AGBL1: variants seen among roughly 807,000 people sequenced by gnomAD.
AGBL1 encodes the protein cytosolic carboxypeptidase 4.
A neutral mutation model predicts 118.9 loss-of-function variants in AGBL1; 130 were observed. The ratio of observed to expected loss-of-function variants is 1.09; its 90% CI spans 0.95 to 1.26. The LOEUF (loss-of-function observed/expected upper bound fraction) is 1.26. AGBL1 is among the 50% of genes most tolerant of loss of function. The pLI, the probability that AGBL1 is intolerant of heterozygous loss-of-function variation, is 0.00. For synonymous variants in AGBL1, 555 were observed against 478.9 expected, an observed-to-expected ratio of 1.16 and a Z score of -2.08; for missense variants, 1,584 against 1,298.1, an observed-to-expected ratio of 1.22 and a Z score of -3.38.
intron 13 of AGBL1, 105 bp from the exon 14 acceptor site, chr15:86,269,814 G>T (rs2079129277): frequency 7.6e-7 from 1 of 1,312,964 alleles, no homozygotes; most frequent in Non-Finnish European, 1.0e-6. Context: ...GAGATCCTGG[G>T]TCTTAGATCT....
chr15:86,185,267 A>G (rs1223766665), intron 5 of AGBL1, among the ~76,000 whole-genome samples: 1 of 152,176 alleles, frequency 6.6e-6, no homozygotes, highest in African/African-American at 2.4e-5. Context: ...CAGGTGCTGG[A>G]GAGGATGTGG....
intron 21 of AGBL1, among the ~76,000 whole-genome samples, chr15:86,634,000 A>G (rs927766672): frequency 7.2e-5 from 11 of 151,874 alleles, no homozygotes; most frequent in Admixed American, 7.2e-4. Flanking sequence ...ATGCAAATCA[A>G]TATCAGTAGG....
At chr15:86,644,710 A>G (rs545353168) in intron 21 of AGBL1, among the ~76,000 whole-genome samples, 17 of 152,206 alleles carry the variant, frequency 1.1e-4, no homozygotes, top group Admixed American at 5.2e-4. Context: ...GCTTGTCTAC[A>G]TTAAAGGAGA....
intron 16 of AGBL1, among the ~76,000 whole-genome samples, chr15:86,289,701 A>G (rs998514095): frequency 2.0e-5 from 3 of 151,964 alleles, no homozygotes; most frequent in African/African-American, 7.3e-5. Flanking sequence ...CTCCTTTTCC[A>G]TTACATCCCA....
At chr15:86,298,739 A>C (rs1383988253) in intron 17 of AGBL1, among the ~76,000 whole-genome samples, 2 of 152,046 alleles carry the variant, frequency 1.3e-5, no homozygotes, top group Non-Finnish European at 2.9e-5. Context: ...CCTCATAAGG[A>C]GGCATGAGTG....
intron 17 of AGBL1, chr15:86,296,572 T>C (rs377590766): frequency 5.5e-4 from 84 of 152,374 alleles, no homozygotes; most frequent in African/African-American, 2.0e-3. Context: ...CAGGTGACTC[T>C]TTGGTAGATC....
chr15:86,462,819 C>T (rs1286902385), intron 18 of AGBL1, among the ~76,000 whole-genome samples: 1 of 152,150 alleles, frequency 6.6e-6, no homozygotes, highest in Non-Finnish European at 1.5e-5. Context: ...CACATTTTCA[C>T]ATTTTCTTTA....
chr15:86,934,481 C>T (rs756050513), intron 23 of AGBL1, among the ~76,000 whole-genome samples: 32 of 151,906 alleles, frequency 2.1e-4, no homozygotes, highest in Non-Finnish European at 4.3e-4. Context: ...TCTGTGCTTA[C>T]AGACTTCCTC....
At chr15:86,348,352 A>G (rs1338595024) in intron 17 of AGBL1, among the ~76,000 whole-genome samples, 1 of 152,244 alleles carries the variant, frequency 6.6e-6, no homozygotes, top group Non-Finnish European at 1.5e-5. Flanking sequence ...CACCTTAGTG[A>G]ATATGCAGCT....
intron 5 of AGBL1, among the ~76,000 whole-genome samples, chr15:86,206,379 G>A (rs1298620225): frequency 1.3e-5 from 2 of 152,168 alleles, no homozygotes; most frequent in Non-Finnish European, 2.9e-5. Context: ...GATCCTTGAG[G>A]AATTGCCATA....
At chr15:86,828,850 C>T (rs938048383) in intron 22 of AGBL1, among the ~76,000 whole-genome samples, 1 of 150,220 alleles carries the variant, frequency 6.7e-6, no homozygotes, top group Non-Finnish European at 1.5e-5. Context: ...TGCACCAAGG[C>T]TGTGATAAAG....
intron 21 of AGBL1, among the ~76,000 whole-genome samples, chr15:86,661,623 A>C (rs73443570): frequency 6.6e-6 from 1 of 152,108 alleles, no homozygotes; most frequent in South Asian, 2.1e-4. Context: ...TTTACATGCA[A>C]TAAGAGGAGA....
At chr15:86,677,719 T>C (rs1302921256) in intron 22 of AGBL1, among the ~76,000 whole-genome samples, 1 of 152,188 alleles carries the variant, frequency 6.6e-6, no homozygotes, top group African/African-American at 2.4e-5. Flanking sequence ...CCTGTTGCTT[T>C]AGCCTGGGCT....
At chr15:86,477,038 A>G (rs1282870599) in intron 18 of AGBL1, among the ~76,000 whole-genome samples, 2 of 152,214 alleles carry the variant, frequency 1.3e-5, no homozygotes, top group South Asian at 2.1e-4. Context: ...ACCAATGAGA[A>G]CAAACACACA....
At chr15:86,502,840 T>C (rs1250938852) in intron 18 of AGBL1, among the ~76,000 whole-genome samples, 2 of 151,508 alleles carry the variant, frequency 1.3e-5, no homozygotes, top group Non-Finnish European at 3.0e-5. Flanking sequence ...TTCTTGAGCA[T>C]TTTGGGCTTA....
intron 17 of AGBL1, among the ~76,000 whole-genome samples, chr15:86,394,764 A>G (rs1224679794): frequency 6.6e-6 from 1 of 152,176 alleles, no homozygotes. Context: ...AGGGCGAAGG[A>G]CAAGACACAA....
intron 19 of AGBL1, among the ~76,000 whole-genome samples, chr15:86,540,079 G>A (rs1443164120): frequency 2.6e-5 from 4 of 152,154 alleles, no homozygotes; most frequent in Non-Finnish European, 4.4e-5. Flanking sequence ...GGAATTTAGT[G>A]TTCTCGGCCA....
At chr15:86,183,140 T>C (rs1230076833) in intron 5 of AGBL1, among the ~76,000 whole-genome samples, 1 of 152,228 alleles carries the variant, frequency 6.6e-6, no homozygotes. Flanking sequence ...CAGTGTTTAC[T>C]GGTGCCTCTG....
intron 18 of AGBL1, among the ~76,000 whole-genome samples, chr15:86,514,578 T>G (rs1277123572): frequency 6.6e-6 from 1 of 152,136 alleles, no homozygotes; most frequent in Non-Finnish European, 1.5e-5. Context: ...TGTTTGATTA[T>G]ATTTATTTAT....
Sources: allele counts gnomAD v4.1 joint callset (sites outside exome capture counted in the v4.1 genomes callset), GRCh38; gene constraint gnomAD v4.1.1; transcripts MANE v1.5; gene names NCBI Gene and HGNC (gene_info 2026-07-23, HGNC 2026-07-21).